Variants in SEMA5B observed in about 807,000 individuals in gnomAD.
SEMA5B encodes semaphorin 5B, also known as semaphorin-5B.
In SEMA5B, 66 loss-of-function variants were observed where a neutral mutation model predicts 135.0. The observed-to-expected ratio is 0.49, with a 90% confidence interval of 0.40 to 0.60. SEMA5B has a LOEUF of 0.60. Ranked by LOEUF, SEMA5B falls within the 20% of genes least tolerant of loss-of-function variation. The pLI is 0.00. For missense variants in SEMA5B, 1,501 were observed against 1,566.3 expected (o/e 0.96, Z 0.70); for synonymous variants, 690 against 639.5 (o/e 1.08, Z -1.19).
intron 3 of SEMA5B, among the ~76,000 whole-genome samples, chr3:122,947,261 T>C (rs72970533): frequency 0.032 from 4,913 of 152,216 alleles, 275 homozygotes; most frequent in African/African-American, 0.11. Context: ...ATTGTTAATT[T>C]ACTTTAATCC....
chr3:122,993,823 C>T (rs558688174), intron 1 of SEMA5B, among the ~76,000 whole-genome samples: 2 of 151,920 alleles, frequency 1.3e-5, no homozygotes, highest in East Asian at 3.9e-4. Flanking sequence ...GCAGTCAGCT[C>T]CCCCTGCTGA....
At chr3:123,021,137 G>A (rs1942665100) in intron 1 of SEMA5B, among the ~76,000 whole-genome samples, 1 of 152,200 alleles carries the variant, frequency 6.6e-6, no homozygotes, top group South Asian at 2.1e-4. Flanking sequence ...GAAAGTCCAG[G>A]CTCTACCAAA....
chr3:122,911,339 T>C (rs999411677), intron 21 of SEMA5B, 152 bp downstream of exon 21: 2 of 1,538,070 alleles, frequency 1.3e-6, no homozygotes, highest in Admixed American at 3.9e-5. Flanking sequence ...TGGAGGGAAC[T>C]GCCCAGACCA....
chr3:122,913,251 C>T lies in SEMA5B; in HGVS notation c.2454G>A (p.Arg818=). The T allele has an allele frequency of 1.3e-6, 2 of 1,586,030 alleles. No homozygotes were observed. Among genetic ancestry groups the T allele is most frequent in the Non-Finnish European group, 1.7e-6 (2 of 1,174,716 alleles). Residue 818 remains arginine, a synonymous_variant, in exon 17 of 23, where the codon AGG becomes AGA. Transcript: ENST00000357599. ...DPHGLQFGRR[R]TETRTCPADG... ...CCGCGGGACAGGTCCTCGTCTCGGTCCTTCTCCTGCCGAACTGCAGGCCGT... is the reference window on the plus strand; with the variant it reads ...CCGCGGGACAGGTCCTCGTCTCGGTTCTTCTCCTGCCGAACTGCAGGCCGT...
At position 122,922,239 on chromosome 3, in the gene SEMA5B, C is replaced by T; in HGVS notation, c.1480+1G>A. 6.2e-7 allele frequency: 1 copy of T among 1,608,044 alleles called. No homozygotes were observed. Among genetic ancestry groups the T allele is most frequent in the African/African-American group, 1.3e-5 (1 of 74,932 alleles). On this transcript the variant is annotated splice_donor_variant, in intron 11 of 22. Coordinates refer to ENST00000357599, the MANE Select transcript of SEMA5B (RefSeq NM_001031702.4). LOFTEE classifies it high-confidence loss of function. ...GTCCAGGTTGGACCGGGCCGGCTCACCGGTGCCAATGTAGAGTACATGGTA... is the reference window on the plus strand; with the variant it reads ...GTCCAGGTTGGACCGGGCCGGCTCATCGGTGCCAATGTAGAGTACATGGTA...
rs146777883 is a variant in SEMA5B, at chr3:122,926,280, C to T, written c.1136+112G>A. The T allele has an allele frequency of 3.6e-4, 377 of 1,045,066 alleles. 1 individual carries two copies. In the African/African-American group the frequency reaches 5.5e-3, roughly 15 times the overall value. 64.7% of individuals were successfully genotyped at this position (1,045,066 alleles called of 1,614,324 possible). A position where few individuals can be genotyped will look rare whatever the true frequency, so the allele number is the denominator to read the frequency against. Reference sequence around the variant, plus strand: ...AGTAAGTCACAAAATCCTCAGATGACCCCCGGCAGGAGGCACGGCAGTCCC... The same window carrying T: ...AGTAAGTCACAAAATCCTCAGATGATCCCCGGCAGGAGGCACGGCAGTCCC... On this transcript the variant is annotated intron_variant, in intron 9 of 22. Coordinates refer to ENST00000357599, the MANE Select transcript of SEMA5B (RefSeq NM_001031702.4).
At chr3:123,026,453 C>T (rs1165986893) in intron 1 of SEMA5B, among the ~76,000 whole-genome samples, 1 of 71,238 alleles carries the variant, frequency 1.4e-5, no homozygotes, top group African/African-American at 5.1e-5. Flanking sequence ...AGGTGGGGGG[C>T]GGGGGCGGGG....
At chr3:122,928,042 G>T in intron 7 of SEMA5B, 39 bp from the exon 8 acceptor site, 1 of 1,384,264 alleles carries the variant, frequency 7.2e-7, no homozygotes. Context: ...TTTCCCTGAG[G>T]CCCTGGGGCT....
At chr3:122,964,698 T>C (rs1308423865) in intron 1 of SEMA5B, among the ~76,000 whole-genome samples, 3 of 152,198 alleles carry the variant, frequency 2.0e-5, no homozygotes, top group Admixed American at 6.5e-5. Context: ...CTTTCTCCCT[T>C]TACCCTTTGC....
At chr3:123,011,706 G>A (rs1422538724) in intron 1 of SEMA5B, among the ~76,000 whole-genome samples, 2 of 152,192 alleles carry the variant, frequency 1.3e-5, no homozygotes, top group Admixed American at 6.5e-5. Flanking sequence ...CACCAAGGCT[G>A]CTATCCCAGA....
At chr3:123,006,178 G>A (rs116145584) in intron 1 of SEMA5B, among the ~76,000 whole-genome samples, 1,947 of 152,290 alleles carry the variant, frequency 0.013, 40 homozygotes, top group African/African-American at 0.037. Flanking sequence ...CCATCTTTGC[G>A]TCTCCAATGT....
At chr3:123,009,832 A>G (rs1402669343) in intron 1 of SEMA5B, among the ~76,000 whole-genome samples, 1 of 152,108 alleles carries the variant, frequency 6.6e-6, no homozygotes, top group African/African-American at 2.4e-5. Context: ...TTTAACAATA[A>G]CTCGACACAC....
intron 3 of SEMA5B, among the ~76,000 whole-genome samples, chr3:122,947,590 A>C (rs1939845058): frequency 6.6e-6 from 1 of 152,222 alleles, no homozygotes; most frequent in South Asian, 2.1e-4. Flanking sequence ...ACGTGGAATC[A>C]GGAGCCCAGA....
chr3:122,970,074 A>G (rs1461936717), intron 1 of SEMA5B, among the ~76,000 whole-genome samples: 7 of 152,176 alleles, frequency 4.6e-5, no homozygotes, highest in Non-Finnish European at 1.0e-4. Context: ...TAGGGCTCAG[A>G]AACCACACTT....
chr3:123,017,674 G>A (rs1213258418), intron 1 of SEMA5B, among the ~76,000 whole-genome samples: 2 of 152,226 alleles, frequency 1.3e-5, no homozygotes, highest in Non-Finnish European at 2.9e-5. Flanking sequence ...TTGGGAGGAC[G>A]AGGCAGGTGT....
In SEMA5B at chr3:123,027,675, C is replaced by G. The variant is rs1265657225; in HGVS notation, c.-250G>C. ...TCCCAGCAGCCGCTGGATGCGCTGCCGACCCGCCCGGCTCGGCGGAGCTGG... is the reference window on the plus strand; with the variant it reads ...TCCCAGCAGCCGCTGGATGCGCTGCGGACCCGCCCGGCTCGGCGGAGCTGG... On this transcript the variant is annotated 5_prime_UTR_variant, in exon 1 of 23. Coordinates refer to ENST00000357599, the MANE Select transcript of SEMA5B (RefSeq NM_001031702.4). 2.0e-5 allele frequency: 3 copies of G among 152,230 alleles called. No individual in the cohort carries two copies. The highest frequency in any genetic ancestry group is 6.5e-5 in the Admixed American group (1 of 15,282). The allele number at this position is 152,230 out of a possible 1,614,324, so 9.4% of individuals were successfully genotyped here.
intron 2 of SEMA5B, among the ~76,000 whole-genome samples, chr3:122,955,213 C>T (rs1169507857): frequency 6.6e-6 from 1 of 152,050 alleles, no homozygotes; most frequent in Admixed American, 6.6e-5. Context: ...ATGGAGCCAG[C>T]TCTGTTCTGT....
Position 122,911,963 on chromosome 3 carries a change from T to G in SEMA5B, c.3003A>C (p.Gly1001=), listed in dbSNP as rs141882257. Residue 1001 remains glycine, a synonymous_variant, in exon 20 of 23, where the codon GGA becomes GGC. Transcript: ENST00000357599. ...GGCAGGGGCGGCTCTGGCTGCTGTTTCCAGCACAGGCGCTGGACCCTGGGA... is the reference window on the plus strand; with the variant it reads ...GGCAGGGGCGGCTCTGGCTGCTGTTGCCAGCACAGGCGCTGGACCCTGGGA... ...ELLPGSSACA[G]NSSQSRPCPY... is the part of the protein sequence containing the mutation. 6.2e-6 allele frequency: 10 copies of G among 1,611,526 alleles called. No individual in the cohort carries two copies. In the African/African-American group the frequency reaches 9.4e-5, roughly 15 times the overall value.
At position 122,923,647 on chromosome 3, in the gene SEMA5B, G is replaced by A. The variant is rs755301592; in HGVS notation, c.1242C>T (p.Leu414=). The change falls in exon 10 of 23, where the codon CTC becomes CTT. Residue 414 remains leucine (L), a synonymous_variant. Transcript: ENST00000357599. ...AATTGGGGATGGGGTTGGCTATGGG[G>A]AGCCAGGCAGCCCTGGGGTTCTCCT... The part of the protein sequence containing the change: ...RYQENPRAAW[L]PIANPIPNFQ... 2 of 1,613,974 alleles carry A rather than the reference G, an allele frequency of 1.2e-6. No individual in the cohort carries two copies. Among genetic ancestry groups the A allele is most frequent in the Admixed American group, 1.7e-5 (1 of 60,010 alleles).
Sources: allele counts gnomAD v4.1 joint callset (sites outside exome capture counted in the v4.1 genomes callset), GRCh38; gene constraint gnomAD v4.1.1; transcripts MANE v1.5; gene names NCBI Gene and HGNC (gene_info 2026-07-23, HGNC 2026-07-21).